BMP8A: variants seen among roughly 807,000 people sequenced by gnomAD.
BMP8A encodes the protein BMP-8A.
A neutral mutation model predicts 36.8 loss-of-function variants in BMP8A; 14 were observed. The ratio of observed to expected loss-of-function variants is 0.38; its 90% CI spans 0.25 to 0.60. The LOEUF (loss-of-function observed/expected upper bound fraction) is 0.60. Among genes scored for constraint, BMP8A ranks in the 20% least tolerant of loss-of-function variants. BMP8A has a pLI of 0.63. For missense variants in BMP8A, 267 were observed against 551.1 expected, an observed-to-expected ratio of 0.48 and a Z score of 5.16; for synonymous variants, 120 against 237.7, an observed-to-expected ratio of 0.50 and a Z score of 4.55.
Position 39,525,886 on chromosome 1 carries a change from C to T in BMP8A, c.*88C>T. The stretch of plus-strand genomic sequence containing the variant: ...AAAACCCTTAAATGCTGTCACAGCT[C>T]AAGCAGGAGTGTCAGGGGCCCTCAC... On this transcript the variant is annotated 3_prime_UTR_variant, in exon 7 of 7. Transcript: ENST00000331593. 2 of 1,578,264 alleles carry T rather than the reference C, an allele frequency of 1.3e-6. No individual in the cohort carries two copies. The highest frequency in any genetic ancestry group is 2.3e-5 in the South Asian group (2 of 88,246).
At chr1:39,505,717 C>T (rs950071505) in intron 1 of BMP8A, among the ~76,000 whole-genome samples, 1 of 152,256 alleles carries the variant, frequency 6.6e-6, no homozygotes, top group East Asian at 1.9e-4. Context: ...CATGGTGGCT[C>T]ATGCCTGTAA....
chr1:39,509,232 G>A (rs1055135521), intron 1 of BMP8A, among the ~76,000 whole-genome samples: 3 of 152,178 alleles, frequency 2.0e-5, no homozygotes, highest in South Asian at 2.1e-4. Flanking sequence ...CATCACTGTC[G>A]CATGCCCTGT....
chr1:39,494,975 G>C (rs1016780003), intron 1 of BMP8A, among the ~76,000 whole-genome samples: 19 of 129,764 alleles, frequency 1.5e-4, no homozygotes, highest in African/African-American at 5.2e-4. Context: ...TAGTAGAACT[G>C]TCTCAGAGTA....
intron 3 of BMP8A, among the ~76,000 whole-genome samples, chr1:39,519,817 TGTGTGTACATAC>T (rs1241144799): frequency 1.4e-5 from 2 of 144,210 alleles, no homozygotes; most frequent in African/African-American, 5.0e-5. Context: ...AACATATGCC[TGTGTGTACATAC>T]GTGTGTACAT....
chr1:39,500,650 G>A (rs1645245368), intron 1 of BMP8A, among the ~76,000 whole-genome samples: 2 of 151,006 alleles, frequency 1.3e-5, no homozygotes, highest in Non-Finnish European at 3.0e-5. Flanking sequence ...AAAAAAAAGA[G>A]GTTTATTTTA....
intron 1 of BMP8A, among the ~76,000 whole-genome samples, chr1:39,493,121 TC>T (rs1476756652): frequency 6.6e-6 from 1 of 152,156 alleles, no homozygotes; most frequent in Non-Finnish European, 1.5e-5. Context: ...GTTGGTCAGG[TC>T]CCCCGTCTGC....
chr1:39,497,939 C>T (rs553714277), intron 1 of BMP8A, among the ~76,000 whole-genome samples: 17 of 152,160 alleles, frequency 1.1e-4, no homozygotes, highest in Non-Finnish European at 1.9e-4. Flanking sequence ...CAGGGCCCTG[C>T]CTGGAGGAAG....
At chr1:39,522,345 A>C in intron 4 of BMP8A, 58 bp from the exon 5 acceptor site, 1 of 1,416,264 alleles carries the variant, frequency 7.1e-7, no homozygotes, top group Non-Finnish European at 9.7e-7. Flanking sequence ...CTGGTACCCC[A>C]TAGTAGCTGC....
chr1:39,512,316 TG>T (rs1205567062), intron 3 of BMP8A, among the ~76,000 whole-genome samples: 11 of 4,232 alleles, frequency 2.6e-3, no homozygotes, highest in African/African-American at 0.011. Flanking sequence ...CAGGTGACAC[TG>T]GGGAGAGCCT....
intron 1 of BMP8A, among the ~76,000 whole-genome samples, chr1:39,503,645 G>T (rs1645272789): frequency 6.6e-6 from 1 of 150,930 alleles, no homozygotes; most frequent in Non-Finnish European, 1.5e-5. Context: ...CTCCTGAGTA[G>T]CTGGGACTAC....
At chr1:39,499,121 G>A (rs1645231833) in intron 1 of BMP8A, among the ~76,000 whole-genome samples, 1 of 152,260 alleles carries the variant, frequency 6.6e-6, no homozygotes, top group African/African-American at 2.4e-5. Context: ...CAGAGGAACA[G>A]CTGAACCAGA....
In BMP8A at chr1:39,526,361, T is replaced by TA. The variant is rs1645483647; in HGVS notation, c.*564dup. 6.7e-6 allele frequency among the ~76,000 whole-genome samples: 1 copy of TA among 149,350 alleles called. No individual in the cohort carries two copies. The highest frequency in any genetic ancestry group is 1.5e-5 in the Non-Finnish European group (1 of 67,356). Reference sequence around the variant, plus strand: ...GGGATTTTTTTTTTTTTTTTCCAGATAGAGTCTCACTCTGTCACCCAGGCT... The same window carrying TA: ...GGGATTTTTTTTTTTTTTTTCCAGATAAGAGTCTCACTCTGTCACCCAGGCT... On this transcript the variant is annotated 3_prime_UTR_variant, in exon 7 of 7. Coordinates refer to ENST00000331593, the MANE Select transcript of BMP8A (RefSeq NM_181809.4).
intron 1 of BMP8A, among the ~76,000 whole-genome samples, chr1:39,499,320 G>T (rs1645233318): frequency 6.6e-6 from 1 of 152,226 alleles, no homozygotes; most frequent in Non-Finnish European, 1.5e-5. Context: ...AGATGGCAGG[G>T]CCAGCGCAGG....
chr1:39,526,339 A>ATT lies in BMP8A; in HGVS notation c.*556_*557dup, dbSNP rs113902821. On this transcript the variant is annotated 3_prime_UTR_variant, in exon 7 of 7. Coordinates refer to ENST00000331593, the MANE Select transcript of BMP8A (RefSeq NM_181809.4). Reference sequence around the variant, plus strand: ...GGACATCCCCACGAAGCCACTGGGGATTTTTTTTTTTTTTTTCCAGATAGA... The same window carrying ATT: ...GGACATCCCCACGAAGCCACTGGGGATTTTTTTTTTTTTTTTTTCCAGATAGA... 2.7e-4 allele frequency among the ~76,000 whole-genome samples: 38 copies of ATT among 140,916 alleles called. No individual in the cohort carries two copies. Among genetic ancestry groups the ATT allele is most frequent in the Middle Eastern group, 3.7e-3 (1 of 272 alleles). The allele number at this position is 140,916 out of a possible 152,430, so 92.4% of individuals were successfully genotyped here. A position where few individuals can be genotyped will look rare whatever the true frequency, so the allele number is the denominator to read the frequency against.
chr1:39,505,438 C>G (rs1003717435), intron 1 of BMP8A, among the ~76,000 whole-genome samples: 1 of 152,184 alleles, frequency 6.6e-6, no homozygotes, highest in Non-Finnish European at 1.5e-5. Flanking sequence ...CATGTTTCTG[C>G]AAGCACAGGG....
intron 1 of BMP8A, among the ~76,000 whole-genome samples, chr1:39,508,564 C>T (rs1645323372): frequency 6.6e-6 from 1 of 152,252 alleles, no homozygotes; most frequent in African/African-American, 2.4e-5. Flanking sequence ...AGAATCTACC[C>T]TTTTCAATGC....
At chr1:39,516,928 TGA>T (rs1231477164) in intron 3 of BMP8A, among the ~76,000 whole-genome samples, 1 of 151,850 alleles carries the variant, frequency 6.6e-6, no homozygotes, top group Non-Finnish European at 1.5e-5. Flanking sequence ...AGCAAAGATG[TGA>T]GTTTGTGATT....
At chr1:39,515,401 G>T in intron 3 of BMP8A, 2 of 796,554 alleles carry the variant, frequency 2.5e-6, no homozygotes, top group Non-Finnish European at 1.9e-6. Flanking sequence ...CGCGCGGGGG[G>T]CGCCGGGGTG....
At chr1:39,519,742 T>C (rs954196145) in intron 3 of BMP8A, among the ~76,000 whole-genome samples, 4 of 151,708 alleles carry the variant, frequency 2.6e-5, no homozygotes, top group African/African-American at 7.3e-5. Context: ...GAGAACTACG[T>C]AGGAATAAAT....
Sources: allele counts gnomAD v4.1 joint callset (sites outside exome capture counted in the v4.1 genomes callset), GRCh38; gene constraint gnomAD v4.1.1; transcripts MANE v1.5; gene names NCBI Gene and HGNC (gene_info 2026-07-23, HGNC 2026-07-21).